The following PRKCQ variants were observed in gnomAD, a reference collection of about 807,000 sequenced individuals.
The protein encoded by PRKCQ is protein kinase C theta, also known as protein kinase C theta type.
PRKCQ carries 41 observed loss-of-function variants against 91.2 expected under a neutral mutation model. The ratio of observed to expected loss-of-function variants is 0.45; its 90% CI spans 0.35 to 0.58. The LOEUF (loss-of-function observed/expected upper bound fraction) is 0.58. PRKCQ is among the 20% of genes least tolerant of loss of function. The pLI is 0.00. For missense variants in PRKCQ, 673 were observed against 896.5 expected (o/e 0.75, Z 3.18); for synonymous variants, 307 against 316.9 (o/e 0.97, Z 0.33).
rs900093049 is a variant in PRKCQ at position 6,430,514 on chromosome 10, T to G, written c.1965+296A>C. ...TCATGTGCACAACCCCCATCTTGTT[T>G]AATAGTCACCCTCACAAATTCATAT... On this transcript the variant is annotated intron_variant, in intron 17 of 17. Coordinates refer to ENST00000263125, the MANE Select transcript of PRKCQ (RefSeq NM_006257.5). The surrounding 1 kb of genome is among the most constrained non-coding windows in gnomAD (Gnocchi z 4.7). Among the ~76,000 whole-genome samples, 1 of 152,168 alleles carries G rather than the reference T, an allele frequency of 6.6e-6. No homozygotes were observed. Among genetic ancestry groups the G allele is most frequent in the African/African-American group, 2.4e-5 (1 of 41,436 alleles).
At chr10:6,463,565 AT>A (rs1231042596) in intron 13 of PRKCQ, among the ~76,000 whole-genome samples, 2 of 152,174 alleles carry the variant, frequency 1.3e-5, no homozygotes, top group Non-Finnish European at 2.9e-5. Context: ...CCAGCCAGGG[AT>A]TTTAAGAAGC....
intron 3 of PRKCQ, among the ~76,000 whole-genome samples, chr10:6,509,318 C>T (rs1231807158): frequency 2.0e-5 from 3 of 152,102 alleles, no homozygotes; most frequent in African/African-American, 7.2e-5. Context: ...AGATACTCAC[C>T]CTCCGACTTA....
the PRKCQ span, among the ~76,000 whole-genome samples, chr10:6,418,585 G>A: frequency 6.6e-6 from 1 of 152,150 alleles, no homozygotes; most frequent in African/African-American, 2.4e-5. Context: ...GGAGCCCTCA[G>A]TGCTCCTTTC....
intron 15 of PRKCQ, among the ~76,000 whole-genome samples, chr10:6,446,658 G>A (rs1328276369): frequency 6.6e-6 from 1 of 152,130 alleles, no homozygotes; most frequent in Non-Finnish European, 1.5e-5. Flanking sequence ...GAGCCACCAT[G>A]CCCGGCCCAT....
chr10:6,406,747 C>T, the PRKCQ span, among the ~76,000 whole-genome samples: 1 of 152,142 alleles, frequency 6.6e-6, no homozygotes, highest in African/African-American at 2.4e-5. Context: ...GAGGGAATGG[C>T]TCACCGTCAT....
chr10:6,418,810 C>T, the PRKCQ span, among the ~76,000 whole-genome samples: 2 of 152,186 alleles, frequency 1.3e-5, no homozygotes, highest in East Asian at 1.9e-4. Flanking sequence ...ACCTACCTAC[C>T]TATCAATCTA....
At chr10:6,436,539 C>T (rs1262558605) in intron 16 of PRKCQ, among the ~76,000 whole-genome samples, 1 of 152,210 alleles carries the variant, frequency 6.6e-6, no homozygotes, top group Non-Finnish European at 1.5e-5. Flanking sequence ...CAAAGATCTA[C>T]CTGTGCTGCA....
intron 16 of PRKCQ, among the ~76,000 whole-genome samples, chr10:6,438,897 C>T (rs1833826804): frequency 6.6e-6 from 1 of 152,202 alleles, no homozygotes; most frequent in Admixed American, 6.5e-5. Flanking sequence ...CACACCCAGC[C>T]TAGATGTGCT....
At chr10:6,544,530 G>A (rs1184696193) in intron 1 of PRKCQ, among the ~76,000 whole-genome samples, 1 of 152,040 alleles carries the variant, frequency 6.6e-6, no homozygotes, top group Non-Finnish European at 1.5e-5. Flanking sequence ...TTCACTTATT[G>A]GTTCTATTCA....
intron 8 of PRKCQ, among the ~76,000 whole-genome samples, chr10:6,487,298 A>G (rs1040604593): frequency 6.6e-6 from 1 of 152,246 alleles, no homozygotes; most frequent in Non-Finnish European, 1.5e-5. Context: ...TAACTCGAAG[A>G]AAAAGAACCA....
intron 1 of PRKCQ, among the ~76,000 whole-genome samples, chr10:6,529,299 G>A (rs1839307212): frequency 6.6e-6 from 1 of 152,166 alleles, no homozygotes. Context: ...GGAGTAAATG[G>A]AAATGTAGGA....
At chr10:6,501,400 T>C (rs1167492800) in intron 4 of PRKCQ, among the ~76,000 whole-genome samples, 1 of 151,990 alleles carries the variant, frequency 6.6e-6, no homozygotes, top group Non-Finnish European at 1.5e-5. Flanking sequence ...GTAAAGTTTA[T>C]TGATAGAGCA....
chr10:6,555,603 A>AG lies in PRKCQ; in HGVS notation c.-10+24607dup, dbSNP rs143921852. Among the ~76,000 whole-genome samples, 1,199 of 152,352 alleles carry AG rather than the reference A, an allele frequency of 7.9e-3. 10 individuals are homozygous for AG. Among genetic ancestry groups the AG allele is most frequent in the African/African-American group, 0.027 (1,126 of 41,580 alleles). ...CAAAGTAGGATTTAGAGAGGTTCAA[A>AG]GCTTCAGCTGATTTGAATCACTTTA... On this transcript the variant is annotated intron_variant, in intron 1 of 17. Coordinates refer to ENST00000263125, the MANE Select transcript of PRKCQ (RefSeq NM_006257.5).
At position 6,553,147 on chromosome 10, in the gene PRKCQ, A is replaced by G. The variant is rs1211317596; in HGVS notation, c.-10+27064T>C. On this transcript the variant is annotated intron_variant, in intron 1 of 17. Transcript: ENST00000263125. ...GTGAAAAGGAAAAATAGACCTCAGTAATACTGTGAAATCAGTTTTGACTTT... is the reference window on the plus strand; with the variant it reads ...GTGAAAAGGAAAAATAGACCTCAGTGATACTGTGAAATCAGTTTTGACTTT... Among the ~76,000 whole-genome samples the G allele has an allele frequency of 2.0e-5, 3 of 152,310 alleles. 1 individual carries two copies. The East Asian group carries it at 5.8e-4, about 29-fold the overall frequency.
At position 6,579,855 on chromosome 10, in the gene PRKCQ, T is replaced by TTTTA. The variant is rs1491546350; in HGVS notation, c.-10+355_-10+356insTAAA. On this transcript the variant is annotated intron_variant, in intron 1 of 17. Coordinates refer to ENST00000263125, the MANE Select transcript of PRKCQ (RefSeq NM_006257.5). ...CTCACGCATTTTTTTTTTTTTTTTT[T>TTTTA]ACCAAGAATACAAAAACTTTCCACC... 1.3e-3 allele frequency among the ~76,000 whole-genome samples: 180 copies of TTTTA among 138,500 alleles called. 2 individuals are homozygous for TTTTA. The East Asian group carries it at 0.03, about 23-fold the overall frequency. 90.9% of individuals were successfully genotyped at this position (138,500 alleles called of 152,430 possible).
chr10:6,467,375 CAGAGAG>C (rs1564324243), intron 12 of PRKCQ, among the ~76,000 whole-genome samples: 7 of 46,188 alleles, frequency 1.5e-4, no homozygotes, highest in South Asian at 8.2e-4. Context: ...GAGAGAGAGA[CAGAGAG>C]AGACAGACAG....
intron 1 of PRKCQ, among the ~76,000 whole-genome samples, chr10:6,541,451 A>G (rs1474234674): frequency 6.6e-6 from 1 of 152,170 alleles, no homozygotes; most frequent in Non-Finnish European, 1.5e-5. Flanking sequence ...GAATTCTATG[A>G]CCTGCCCCTA....
chr10:6,395,215 C>T, the PRKCQ span, among the ~76,000 whole-genome samples: 1 of 152,070 alleles, frequency 6.6e-6, no homozygotes, highest in Non-Finnish European at 1.5e-5. Flanking sequence ...AGGTGCCTGC[C>T]ACCGTGCCCG....
the PRKCQ span, among the ~76,000 whole-genome samples, chr10:6,396,565 T>G: frequency 6.6e-6 from 1 of 152,254 alleles, no homozygotes; most frequent in East Asian, 1.9e-4. Flanking sequence ...CTTCTTCCAG[T>G]TAGCTTAATG....
Sources: allele counts gnomAD v4.1 joint callset (sites outside exome capture counted in the v4.1 genomes callset), GRCh38; gene constraint gnomAD v4.1.1; non-coding constraint Gnocchi (gnomAD v3.1); transcripts MANE v1.5; gene names NCBI Gene and HGNC (gene_info 2026-07-23, HGNC 2026-07-21).